The following BORCS5 variants were observed in gnomAD, a reference collection of about 807,000 sequenced individuals.
BORCS5 encodes BLOC-1-related complex subunit 5.
BORCS5 carries 17 observed loss-of-function variants against 22.1 expected under a neutral mutation model. The observed-to-expected ratio is 0.77, with a 90% CI of 0.53 to 1.15. BORCS5 has a LOEUF of 1.15. Ranked by LOEUF, BORCS5 falls within the 50% of genes most tolerant of loss-of-function variation. The probability of loss-of-function intolerance (pLI) is 0.00; values close to 1 mark genes in which losing one functional copy is unlikely to be tolerated. For synonymous variants in BORCS5, 117 were observed against 99.8 expected, an observed-to-expected ratio of 1.17 and a Z score of -1.03; for missense variants, 247 against 253.2, an observed-to-expected ratio of 0.98 and a Z score of 0.17.
At chr12:12,426,650 A>G (rs1942295576) in intron 2 of BORCS5, among the ~76,000 whole-genome samples, 1 of 152,254 alleles carries the variant, frequency 6.6e-6, no homozygotes, top group Non-Finnish European at 1.5e-5. Flanking sequence ...AAGAAATGCA[A>G]GAATAAAGGG....
chr12:12,422,757 G>T (rs1942168399), intron 2 of BORCS5, among the ~76,000 whole-genome samples: 1 of 152,050 alleles, frequency 6.6e-6, no homozygotes, highest in Admixed American at 6.5e-5. Flanking sequence ...TATACAGGGT[G>T]TGTCCAAAAT....
intron 3 of BORCS5, among the ~76,000 whole-genome samples, chr12:12,447,069 C>T (rs982687783): frequency 6.6e-6 from 1 of 152,186 alleles, no homozygotes; most frequent in Admixed American, 6.5e-5. Context: ...CCCCTTTCTA[C>T]CTGGAAGTTT....
At chr12:12,375,264 C>A (rs573457194) in intron 2 of BORCS5, among the ~76,000 whole-genome samples, 90 of 152,318 alleles carry the variant, frequency 5.9e-4, no homozygotes, top group African/African-American at 2.1e-3. Flanking sequence ...CCATCCGCCT[C>A]GGCCTCCCAA....
At chr12:12,415,213 G>T (rs1408118440) in intron 2 of BORCS5, among the ~76,000 whole-genome samples, 1 of 151,378 alleles carries the variant, frequency 6.6e-6, no homozygotes. Flanking sequence ...GGAGGTGGAG[G>T]TTGTAGCGAG....
intron 2 of BORCS5, among the ~76,000 whole-genome samples, chr12:12,376,969 G>A (rs754893492): frequency 2.6e-5 from 4 of 152,138 alleles, no homozygotes; most frequent in Non-Finnish European, 5.9e-5. Context: ...CAAGCTGATT[G>A]GGAAATATAC....
intron 2 of BORCS5, among the ~76,000 whole-genome samples, chr12:12,428,925 CA>C (rs1194295845): frequency 6.6e-6 from 1 of 151,878 alleles, no homozygotes; most frequent in Admixed American, 6.6e-5. Flanking sequence ...TAAAACTATA[CA>C]AAAAATAATT....
chr12:12,449,547 A>G (rs1413590236), intron 3 of BORCS5, among the ~76,000 whole-genome samples: 3 of 152,258 alleles, frequency 2.0e-5, no homozygotes, highest in Non-Finnish European at 4.4e-5. Context: ...GTAAGAAGGC[A>G]TCGGGGAAAC....
intron 3 of BORCS5, among the ~76,000 whole-genome samples, chr12:12,445,400 G>T (rs1038794954): frequency 2.0e-5 from 3 of 150,914 alleles, no homozygotes; most frequent in Admixed American, 6.6e-5. Flanking sequence ...ACTTAATTGT[G>T]GTTGCCCTTT....
At chr12:12,430,375 T>C (rs1015009919) in intron 2 of BORCS5, among the ~76,000 whole-genome samples, 2 of 152,024 alleles carry the variant, frequency 1.3e-5, no homozygotes, top group Admixed American at 1.3e-4. Flanking sequence ...GTGGTCTCGA[T>C]CTCCTGACCT....
chr12:12,386,501 A>T (rs183062442), intron 2 of BORCS5, among the ~76,000 whole-genome samples: 1 of 148,904 alleles, frequency 6.7e-6, no homozygotes, highest in Non-Finnish European at 1.5e-5. Flanking sequence ...TTTTGAGACA[A>T]AGTCTTGCTT....
intron 3 of BORCS5, among the ~76,000 whole-genome samples, chr12:12,464,007 G>A (rs185469998): frequency 1.3e-5 from 2 of 152,254 alleles, no homozygotes; most frequent in East Asian, 1.9e-4. Flanking sequence ...CACGAGCCCC[G>A]CTGTCTCTCA....
intron 2 of BORCS5, among the ~76,000 whole-genome samples, chr12:12,377,597 G>A (rs1037930521): frequency 1.3e-5 from 2 of 151,920 alleles, no homozygotes; most frequent in Non-Finnish European, 1.5e-5. Context: ...AGATGTCATG[G>A]GGGAAAAGAT....
chr12:12,421,763 TC>T (rs1436478635), intron 2 of BORCS5, among the ~76,000 whole-genome samples: 46 of 152,332 alleles, frequency 3.0e-4, no homozygotes, highest in African/African-American at 1.1e-3. Context: ...TTCATCTTCT[TC>T]CTGGTTTAGT....
intron 2 of BORCS5, among the ~76,000 whole-genome samples, chr12:12,423,597 G>A (rs1201996710): frequency 4.6e-5 from 7 of 150,932 alleles, no homozygotes; most frequent in African/African-American, 1.7e-4. Flanking sequence ...TGGCCCCCTA[G>A]GTTTCTGATG....
At chr12:12,439,741 C>T (rs1942642773) in intron 3 of BORCS5, among the ~76,000 whole-genome samples, 1 of 152,210 alleles carries the variant, frequency 6.6e-6, no homozygotes, top group South Asian at 2.1e-4. Flanking sequence ...CTGAGCAATA[C>T]CTCAGCAGCG....
chr12:12,412,900 C>CTTTTTTTTTTTTTTGTTTTTT (rs1941775794), intron 2 of BORCS5, among the ~76,000 whole-genome samples: 1 of 74,174 alleles, frequency 1.3e-5, no homozygotes, highest in Non-Finnish European at 2.5e-5. Context: ...TTGTGGTTTT[C>CTTTTTTTTTTTTTTGTTTTTT]TTTTTTTTTT....
chr12:12,422,266 A>G (rs956235504), intron 2 of BORCS5, among the ~76,000 whole-genome samples: 1 of 151,098 alleles, frequency 6.6e-6, no homozygotes, highest in African/African-American at 2.4e-5. Context: ...AATTTATACC[A>G]GCTTAGCTTT....
At chr12:12,370,028 C>T (rs1048428982) in intron 2 of BORCS5, among the ~76,000 whole-genome samples, 17 of 150,824 alleles carry the variant, frequency 1.1e-4, no homozygotes, top group African/African-American at 3.9e-4. Context: ...CCCGGCCCAC[C>T]TTCACTTCTT....
intron 2 of BORCS5, among the ~76,000 whole-genome samples, chr12:12,402,399 A>T (rs747245276): frequency 1.3e-5 from 2 of 152,186 alleles, no homozygotes; most frequent in Non-Finnish European, 2.9e-5. Context: ...TTTGTCTCTT[A>T]CCTGAATTTG....
Sources: gnomAD v4.1 joint callset for allele counts (sites outside exome capture counted in the v4.1 genomes callset) on GRCh38, gnomAD v4.1.1 for gene constraint, MANE v1.5 for transcripts, NCBI Gene and HGNC (gene_info 2026-07-23, HGNC 2026-07-21) for gene names.